CSMD2: variants seen among roughly 807,000 people sequenced by gnomAD.
CSMD2 encodes CUB and sushi domain-containing protein 2.
A neutral mutation model predicts 398.5 loss-of-function variants in CSMD2; 130 were observed. The observed-to-expected ratio is 0.33, with a 90% CI of 0.28 to 0.38. CSMD2 has a LOEUF of 0.38. CSMD2 is among the 10% of genes least tolerant of loss of function. CSMD2 has a pLI of 1.00. For missense variants in CSMD2, 3,829 were observed against 4,764.9 expected (o/e 0.80, Z 5.78); for synonymous variants, 1,828 against 1,908.5 (o/e 0.96, Z 1.10).
At position 33,519,275 on chromosome 1, in the gene CSMD2, G is replaced by A. The variant is rs1654027931; in HGVS notation, c.*53+190C>T. ...AAGCTTCTACCTCACAGGGCGTGCA[G>A]GGATTCAATATATTAGATCCACAAA... On this transcript the variant is annotated intron_variant, in intron 70 of 70. Coordinates refer to ENST00000373381, the MANE Select transcript of CSMD2 (RefSeq NM_001281956.2). The surrounding 1 kb of genome is among the most constrained non-coding windows in gnomAD (Gnocchi z 5.6). Among the ~76,000 whole-genome samples the A allele has an allele frequency of 6.6e-6, 1 of 152,210 alleles. No individual in the cohort carries two copies. The highest frequency in any genetic ancestry group is 1.5e-5 in the Non-Finnish European group (1 of 68,038).
chr1:33,798,976 T>C (rs1479816850), intron 10 of CSMD2, among the ~76,000 whole-genome samples: 2 of 152,236 alleles, frequency 1.3e-5, no homozygotes, highest in African/African-American at 2.4e-5. Context: ...AGATGTAGAC[T>C]GAGGCTGTTT....
In CSMD2 at chr1:33,636,773, C is replaced by T. The variant is rs1642830673; in HGVS notation, c.4775-219G>A. On this transcript the variant is annotated intron_variant, in intron 29 of 70. Coordinates refer to ENST00000373381, the MANE Select transcript of CSMD2 (RefSeq NM_001281956.2). This position sits in a 1 kb window ranked among gnomAD's most constrained non-coding sequence, Gnocchi z 4.8. ...CACATTGAAGAGGGCAATTTCCCCT[C>T]CTCCCCCCATGTTCTTGCCTTGACC... is the stretch of plus-strand genomic sequence containing the variant. 6.6e-6 allele frequency among the ~76,000 whole-genome samples: 1 copy of T among 152,120 alleles called. No homozygotes were observed. Among genetic ancestry groups the T allele is most frequent in the African/African-American group, 2.4e-5 (1 of 41,416 alleles).
intron 1 of CSMD2, among the ~76,000 whole-genome samples, chr1:34,114,239 G>A (rs1398310426): frequency 6.6e-6 from 1 of 152,114 alleles, no homozygotes; most frequent in Non-Finnish European, 1.5e-5. Flanking sequence ...AGAACCTCTA[G>A]CTGCTGAAGA....
In CSMD2 at chr1:33,572,614, T is replaced by C. The variant is rs2641962; in HGVS notation, c.7654A>G (p.Met2552Val). The C allele has an allele frequency of 0.48, 772,059 of 1,612,654 alleles. 187,923 individuals carry two copies. The highest frequency in any genetic ancestry group is 0.68 in the Admixed American group (40,761 of 59,944). The change falls in exon 50 of 71, where the codon ATG (methionine) becomes GTG (valine). Residue 2552 changes from methionine to valine, a missense_variant. By Grantham distance (21) the Met-to-Val change is conservative. Transcript: ENST00000373381. ...GKEYTVGTKAMYSCSEGYHLQ... is the reference protein window; with the variant it reads ...GKEYTVGTKAVYSCSEGYHLQ... ...TGGTAGCCTTCACTGCAGCTGTACA[T>C]GGCCTTGGTTCCCACTGTGTACTCC... is the stretch of plus-strand genomic sequence containing the variant.
intron 13 of CSMD2, among the ~76,000 whole-genome samples, chr1:33,765,489 A>G (rs1569815471): frequency 1.3e-5 from 2 of 152,368 alleles, no homozygotes; most frequent in Admixed American, 1.3e-4. Flanking sequence ...GAATTACTTA[A>G]TAAATTGTGT....
chr1:33,779,885 T>A (rs501481), intron 12 of CSMD2, among the ~76,000 whole-genome samples: 2 of 151,978 alleles, frequency 1.3e-5, no homozygotes, highest in African/African-American at 4.8e-5. Context: ...GAGAGGGGAT[T>A]CAATAAACTT....
At chr1:33,612,532 T>C (rs1279953359) in intron 40 of CSMD2, among the ~76,000 whole-genome samples, 1 of 152,228 alleles carries the variant, frequency 6.6e-6, no homozygotes, top group African/African-American at 2.4e-5. Flanking sequence ...TATTGTGTTT[T>C]TCAAGGTCTA....
intron 2 of CSMD2, among the ~76,000 whole-genome samples, chr1:34,074,011 C>T (rs1268714895): frequency 6.6e-6 from 1 of 152,184 alleles, no homozygotes; most frequent in Non-Finnish European, 1.5e-5. Flanking sequence ...GTGCCCCACA[C>T]TTAAATAACC....
In CSMD2 at chr1:33,592,392, G is replaced by T. The variant is rs1201316778; in HGVS notation, c.6857-5224C>A. ...AGAACATCTGATTGCCCCTGCTGCA[G>T]TCAGCTCAGGTGTCCACCTCTGGTC... On this transcript the variant is annotated intron_variant, in intron 44 of 70. Coordinates refer to ENST00000373381, the MANE Select transcript of CSMD2 (RefSeq NM_001281956.2). 4 of 715,554 alleles carry T rather than the reference G, an allele frequency of 5.6e-6. No homozygotes were observed. The East Asian group carries it at 1.1e-4, about 19-fold the overall frequency. 44.3% of individuals were successfully genotyped at this position (715,554 alleles called of 1,614,324 possible).
intron 15 of CSMD2, among the ~76,000 whole-genome samples, chr1:33,737,058 C>T (rs1458405387): frequency 6.6e-6 from 1 of 152,178 alleles, no homozygotes; most frequent in Non-Finnish European, 1.5e-5. Flanking sequence ...TGTACGGTGA[C>T]CTGTTTCACC....
chr1:33,575,824 T>C (rs1193351074), intron 49 of CSMD2, among the ~76,000 whole-genome samples: 1 of 152,204 alleles, frequency 6.6e-6, no homozygotes, highest in African/African-American at 2.4e-5. Context: ...ACATTGTTTT[T>C]GTTCTTTGAG....
chr1:33,971,707 G>A (rs1212129501), intron 3 of CSMD2, among the ~76,000 whole-genome samples: 2 of 152,194 alleles, frequency 1.3e-5, no homozygotes, highest in East Asian at 1.9e-4. Flanking sequence ...AAGTGCCTTC[G>A]GCAGGTTGGG....
intron 2 of CSMD2, among the ~76,000 whole-genome samples, chr1:34,079,497 A>T (rs1028818195): frequency 6.6e-6 from 1 of 152,230 alleles, no homozygotes; most frequent in Non-Finnish European, 1.5e-5. Context: ...TATTTAAAAA[A>T]TTTCCATGTC....
At chr1:33,839,479 T>C (rs1436516270) in intron 6 of CSMD2, 1 of 160,386 alleles carries the variant, frequency 6.2e-6, no homozygotes, top group Non-Finnish European at 1.5e-5. Context: ...TTAGGAAAAG[T>C]TGGAGCAGTC....
At chr1:33,756,102 T>C (rs1325030026) in intron 13 of CSMD2, among the ~76,000 whole-genome samples, 1 of 152,232 alleles carries the variant, frequency 6.6e-6, no homozygotes, top group Non-Finnish European at 1.5e-5. Context: ...TGGCAGTCAT[T>C]TGAAAGCTTT....
At chr1:34,084,928 C>T (rs1445943533) in intron 2 of CSMD2, among the ~76,000 whole-genome samples, 3 of 152,178 alleles carry the variant, frequency 2.0e-5, no homozygotes, top group African/African-American at 7.2e-5. Context: ...GACACATGTA[C>T]ACATATGTTT....
chr1:33,567,477 T>A (rs1389689635), intron 53 of CSMD2, 116 bp downstream of exon 53: 6 of 464,026 alleles, frequency 1.3e-5, no homozygotes, highest in South Asian at 8.7e-5. Flanking sequence ...AAAATAGCAA[T>A]CATATATATA....
intron 1 of CSMD2, among the ~76,000 whole-genome samples, chr1:34,110,678 A>C (rs1442506558): frequency 2.7e-5 from 4 of 146,472 alleles, no homozygotes; most frequent in African/African-American, 9.8e-5. Context: ...TGATAAGAAC[A>C]CATGGACACA....
At chr1:33,612,414 G>T (rs1290353910) in intron 40 of CSMD2, among the ~76,000 whole-genome samples, 1 of 152,152 alleles carries the variant, frequency 6.6e-6, no homozygotes, top group Non-Finnish European at 1.5e-5. Flanking sequence ...GAATTTGGAA[G>T]CTATCCTTCC....
Sources: allele counts gnomAD v4.1 joint callset (sites outside exome capture counted in the v4.1 genomes callset), GRCh38; gene constraint gnomAD v4.1.1; non-coding constraint Gnocchi (gnomAD v3.1); transcripts MANE v1.5; gene names NCBI Gene and HGNC (gene_info 2026-07-23, HGNC 2026-07-21).